The following BACH2 variants were observed in gnomAD, a reference collection of about 807,000 sequenced individuals.
BACH2 encodes the protein BACH transcriptional regulator 2.
In BACH2, 5 loss-of-function variants were observed where a neutral mutation model predicts 61.8. That is an observed-to-expected ratio of 0.08 (90% CI 0.04 to 0.17). BACH2 has a LOEUF of 0.17. Among genes scored for constraint, BACH2 ranks in the 10% least tolerant of loss-of-function variants. BACH2 has a pLI of 1.00. For synonymous variants in BACH2, 446 were observed against 440.1 expected, an observed-to-expected ratio of 1.01 and a Z score of -0.17; for missense variants, 824 against 1,091.1, an observed-to-expected ratio of 0.76 and a Z score of 3.45.
In BACH2 at chr6:90,023,984, A is replaced by G. The variant is rs921137312; in HGVS notation, c.-12-15128T>C. Among the ~76,000 whole-genome samples, 9 of 152,342 alleles carry G rather than the reference A, an allele frequency of 5.9e-5. 1 individual carries two copies. Among genetic ancestry groups the G allele is most frequent in the Admixed American group, 5.9e-4 (9 of 15,306 alleles). On this transcript the variant is annotated intron_variant, in intron 5 of 8. Coordinates refer to ENST00000257749, the MANE Select transcript of BACH2 (RefSeq NM_021813.4). ...GCAAAACTATAAAGAAAAGACTCAG[A>G]ATAGAGGCTCCATTTAGAGCGAGGC...
intron 5 of BACH2, among the ~76,000 whole-genome samples, chr6:90,077,593 T>C (rs979565957): frequency 1.3e-5 from 2 of 152,096 alleles, no homozygotes; most frequent in Non-Finnish European, 2.9e-5. Flanking sequence ...AGTCACAAGT[T>C]GTATCTGGGA....
intron 4 of BACH2, among the ~76,000 whole-genome samples, chr6:90,199,301 C>A (rs932440061): frequency 6.6e-6 from 1 of 152,094 alleles, no homozygotes; most frequent in Non-Finnish European, 1.5e-5. Flanking sequence ...ATGGGACTGA[C>A]GTAGAAGCAT....
At chr6:90,201,079 C>T (rs1768941676) in intron 4 of BACH2, among the ~76,000 whole-genome samples, 1 of 152,082 alleles carries the variant, frequency 6.6e-6, no homozygotes, top group Admixed American at 6.5e-5. Flanking sequence ...ATTCCTCAAT[C>T]CCTCCTTGGC....
chr6:89,959,164 A>C (rs1382553504), intron 6 of BACH2, among the ~76,000 whole-genome samples: 1 of 149,448 alleles, frequency 6.7e-6, no homozygotes, highest in East Asian at 2.0e-4. Context: ...TATTCCCTGC[A>C]GTTGAAATGG....
chr6:90,229,454 T>C (rs1758442646), intron 3 of BACH2, among the ~76,000 whole-genome samples: 2 of 114,604 alleles, frequency 1.7e-5, no homozygotes, highest in African/African-American at 4.2e-5. Flanking sequence ...AGCGAGACTT[T>C]GTCTCAAAAA....
intron 5 of BACH2, among the ~76,000 whole-genome samples, chr6:90,012,003 C>T (rs1777753633): frequency 6.8e-6 from 1 of 146,868 alleles, no homozygotes; most frequent in Non-Finnish European, 1.5e-5. Context: ...GCCATATTGC[C>T]CAGGCTAGTC....
At chr6:90,055,044 G>T (rs914820516) in intron 5 of BACH2, among the ~76,000 whole-genome samples, 1 of 152,166 alleles carries the variant, frequency 6.6e-6, no homozygotes, top group Non-Finnish European at 1.5e-5. Flanking sequence ...AGAAAAACTG[G>T]AAACTCTAAA....
At chr6:90,277,574 C>T (rs777473990) in intron 1 of BACH2, among the ~76,000 whole-genome samples, 1 of 152,160 alleles carries the variant, frequency 6.6e-6, no homozygotes, top group African/African-American at 2.4e-5. Context: ...AGCGTGTTCA[C>T]TTTATGGAAA....
intron 3 of BACH2, among the ~76,000 whole-genome samples, chr6:90,210,168 C>G (rs1769292973): frequency 6.6e-6 from 1 of 152,028 alleles, no homozygotes; most frequent in African/African-American, 2.4e-5. Flanking sequence ...AAACCAGACA[C>G]AGAGAGGTAA....
At chr6:90,213,911 G>A (rs533348523) in intron 3 of BACH2, among the ~76,000 whole-genome samples, 6 of 151,972 alleles carry the variant, frequency 3.9e-5, no homozygotes, top group Non-Finnish European at 8.8e-5. Context: ...CTTCTCGCTT[G>A]GTCAGAATAT....
chr6:90,119,631 A>G (rs1365515173), intron 4 of BACH2, among the ~76,000 whole-genome samples: 1 of 152,220 alleles, frequency 6.6e-6, no homozygotes, highest in Non-Finnish European at 1.5e-5. Flanking sequence ...TTATTGAAAA[A>G]AATCAGAATT....
chr6:90,000,073 GT>G (rs1047814122), intron 6 of BACH2, among the ~76,000 whole-genome samples: 1 of 152,136 alleles, frequency 6.6e-6, no homozygotes, highest in Non-Finnish European at 1.5e-5. Context: ...AATGTAAGAG[GT>G]TTGGAAACAG....
chr6:89,940,110 A>T (rs1026868460), intron 7 of BACH2, among the ~76,000 whole-genome samples: 3 of 152,070 alleles, frequency 2.0e-5, no homozygotes, highest in Non-Finnish European at 4.4e-5. Context: ...TCCCTGGTTC[A>T]AGCGATTCTC....
At chr6:89,958,981 CAA>C (rs912530615) in intron 6 of BACH2, among the ~76,000 whole-genome samples, 3 of 152,008 alleles carry the variant, frequency 2.0e-5, no homozygotes, top group Admixed American at 6.6e-5. Context: ...TTTCAAGTGA[CAA>C]GAGAACATTA....
In BACH2 at chr6:89,930,291, T is replaced by A. The variant is rs2128351693; in HGVS notation, c.*2117A>T. The A allele has an allele frequency of 7.1e-6, 1 of 141,662 alleles. No homozygotes were observed. Among genetic ancestry groups the A allele is most frequent in the South Asian group, 2.4e-4 (1 of 4,248 alleles). The allele number at this position is 141,662 out of a possible 1,614,324, so 8.8% of individuals were successfully genotyped here. A position where few individuals can be genotyped will look rare whatever the true frequency, so the allele number is the denominator to read the frequency against. On this transcript the variant is annotated 3_prime_UTR_variant, in exon 9 of 9. Coordinates refer to ENST00000257749, the MANE Select transcript of BACH2 (RefSeq NM_021813.4). ...TGAACTGACAAATTTCTGGCATTCA[T>A]ACATATTTAAACATTTAGTGCTAAT...
chr6:90,216,716 T>C (rs1266300637), intron 3 of BACH2, among the ~76,000 whole-genome samples: 1 of 152,054 alleles, frequency 6.6e-6, no homozygotes, highest in African/African-American at 2.4e-5. Flanking sequence ...CGTGAGCTTC[T>C]AAACCAGAGT....
chr6:90,263,258 C>T (rs1326480000), intron 2 of BACH2, among the ~76,000 whole-genome samples: 2 of 152,162 alleles, frequency 1.3e-5, no homozygotes, highest in East Asian at 1.9e-4. Flanking sequence ...ATCTCTATGA[C>T]ATACACTGCT....
chr6:89,934,583 C>T lies in BACH2; in HGVS notation c.2044-1693G>A, dbSNP rs372574822. 5.3e-5 allele frequency among the ~76,000 whole-genome samples: 8 copies of T among 152,052 alleles called. No individual in the cohort carries two copies. The East Asian group carries it at 7.7e-4, about 15-fold the overall frequency. ...CTGGGACATGAGAATTGCTTGAATC[C>T]GGGAGGTGGAGGTTGCAGTGAGCCG... On this transcript the variant is annotated intron_variant, in intron 8 of 8. Transcript: ENST00000257749.
chr6:90,142,963 T>C (rs1054145869), intron 4 of BACH2, among the ~76,000 whole-genome samples: 8 of 152,224 alleles, frequency 5.3e-5, no homozygotes, highest in African/African-American at 1.9e-4. Context: ...AAGAATTCCC[T>C]ATTGGCATGA....
Sources: allele counts gnomAD v4.1 joint callset (sites outside exome capture counted in the v4.1 genomes callset), GRCh38; gene constraint gnomAD v4.1.1; transcripts MANE v1.5; gene names NCBI Gene and HGNC (gene_info 2026-07-23, HGNC 2026-07-21).